The following NFRKB variants were observed in gnomAD, a reference collection of about 807,000 sequenced individuals.
The protein encoded by NFRKB is nuclear factor related to kappa-B-binding protein.
NFRKB carries 62 observed loss-of-function variants against 135.7 expected under a neutral mutation model. The ratio of observed to expected loss-of-function variants is 0.46; its 90% CI spans 0.37 to 0.56. The LOEUF (loss-of-function observed/expected upper bound fraction) is 0.56. Ranked by LOEUF, NFRKB falls within the 20% of genes least tolerant of loss-of-function variation. The pLI is 0.00. For missense variants in NFRKB, 1,545 were observed against 1,662.0 expected (o/e 0.93, Z 1.22); for synonymous variants, 678 against 635.6 (o/e 1.07, Z -1.00).
At chr11:129,873,657 T>A in intron 22 of NFRKB, 88 bp downstream of exon 22, 1 of 1,532,228 alleles carries the variant, frequency 6.5e-7, no homozygotes, top group Non-Finnish European at 8.9e-7. Context: ...GGCTCCCCAG[T>A]CCTTACCCAG....
intron 23 of NFRKB, among the ~76,000 whole-genome samples, chr11:129,871,923 C>T (rs531727717): frequency 2.0e-5 from 3 of 152,120 alleles, no homozygotes; most frequent in East Asian, 1.9e-4. Context: ...CATCTTCTAA[C>T]ACCCTCACAC....
intron 8 of NFRKB, 62 bp downstream of exon 8, chr11:129,884,008 G>A (rs940462257): frequency 6.4e-7 from 1 of 1,559,760 alleles, no homozygotes. Context: ...GTCTTCCTCA[G>A]GACAGCCAAT....
In NFRKB at chr11:129,864,362, A is replaced by T. The variant is rs1011168629; in HGVS notation, c.*363T>A. On this transcript the variant is annotated 3_prime_UTR_variant, in exon 27 of 27. Coordinates refer to ENST00000682444, the MANE Select transcript of NFRKB (RefSeq NM_001143835.2). ...AGAAGACCAGAAGCCAAAAAATACA[A>T]TCCTCATGGAGAACCAGCCTATTCG... 9 of 196,972 alleles carry T rather than the reference A, an allele frequency of 4.6e-5. No individual in the cohort carries two copies. Among genetic ancestry groups the T allele is most frequent in the Admixed American group, 3.3e-4 (6 of 18,276 alleles). 12.2% of individuals were successfully genotyped at this position (196,972 alleles called of 1,614,324 possible). A position where few individuals can be genotyped will look rare whatever the true frequency, so the allele number is the denominator to read the frequency against.
chr11:129,871,312 G>A (rs1276825359), intron 23 of NFRKB, among the ~76,000 whole-genome samples: 1 of 151,992 alleles, frequency 6.6e-6, no homozygotes, highest in Non-Finnish European at 1.5e-5. Context: ...GAGTACAGAG[G>A]CCAATCATAC....
rs1047764885 is a variant in NFRKB at position 129,867,039 on chromosome 11, A to G, written c.3532-1056T>C. On this transcript the variant is annotated intron_variant, in intron 24 of 26. Transcript: ENST00000682444. ...ACTTATGGTTTTGTTCTTCCTCAAA[A>G]TGCCTTTGTTGCTTAAAACATCTCA... Among the ~76,000 whole-genome samples, 3 of 152,180 alleles carry G rather than the reference A, an allele frequency of 2.0e-5. No homozygotes were observed. In the East Asian group the frequency reaches 5.8e-4, roughly 29 times the overall value.
chr11:129,884,908 G>A (rs753447356), intron 6 of NFRKB, 62 bp from the exon 7 acceptor site: 1 of 1,612,014 alleles, frequency 6.2e-7, no homozygotes, highest in Admixed American at 1.7e-5. Flanking sequence ...GGGGAGATTG[G>A]GTAAGTGGCC....
rs1229983546 is a variant in NFRKB at position 129,878,326 on chromosome 11, T to C, written c.1494A>G (p.Thr498=). The change falls in exon 15 of 27, where the codon ACA becomes ACG. Residue 498 remains threonine, a synonymous_variant. Transcript: ENST00000682444. Reference sequence around the variant, plus strand: ...GTACTCACACCCGAGGGACAGGTGTTGTGGCATCTGAGCTGTCTTCATTTT... The same window carrying C: ...GTACTCACACCCGAGGGACAGGTGTCGTGGCATCTGAGCTGTCTTCATTTT... The part of the protein sequence containing the change: ...KQENEDSSDA[T]TPVPRVRTDY... 1 of 1,614,104 alleles carries C rather than the reference T, an allele frequency of 6.2e-7. No individual in the cohort carries two copies. Among genetic ancestry groups the C allele is most frequent in the Non-Finnish European group, 8.5e-7 (1 of 1,180,036 alleles).
At position 129,870,856 on chromosome 11, in the gene NFRKB, C is replaced by T. The variant is rs182323045; in HGVS notation, c.2764-595G>A. Among the ~76,000 whole-genome samples the T allele has an allele frequency of 4.8e-3, 724 of 152,276 alleles. 2 individuals carry two copies. Among genetic ancestry groups the T allele is most frequent in the Admixed American group, 7.3e-3 (111 of 15,294 alleles). On this transcript the variant is annotated intron_variant, in intron 23 of 26. Coordinates refer to ENST00000682444, the MANE Select transcript of NFRKB (RefSeq NM_001143835.2). Reference sequence around the variant, plus strand: ...CTACTGGACTACGGCCATCAGAATGCAAACATGCTATAATACTTCCCACCC... The same window carrying T: ...CTACTGGACTACGGCCATCAGAATGTAAACATGCTATAATACTTCCCACCC...
rs113188074 is a variant in NFRKB, at chr11:129,881,691, G to A, written c.1318+36C>T. Reference sequence around the variant, plus strand: ...TCTAATAATTAATTAGACAAAAGGGGGAAAAATACTGACCCTACAAAAAAG... The same window carrying A: ...TCTAATAATTAATTAGACAAAAGGGAGAAAAATACTGACCCTACAAAAAAG... On this transcript the variant is annotated intron_variant, in intron 12 of 26. Transcript: ENST00000682444. The A allele has an allele frequency of 5.3e-3, 8,531 of 1,609,404 alleles. 397 individuals carry two copies. The African/African-American group carries it at 0.1, about 19-fold the overall frequency.
rs371297388 is a variant in NFRKB at position 129,881,784 on chromosome 11, G to A, written c.1261C>T (p.Pro421Ser). Residue 421 changes from proline (P) to serine (S), a missense_variant, in exon 12 of 27, where the codon CCC (proline) becomes TCC (serine). This residue lies in a region of NFRKB where 678 missense variants were observed against 646.7 expected (regional missense o/e 1.05). Transcript: ENST00000682444. The stretch of plus-strand genomic sequence containing the variant: ...GGTAGTACCAACTCAGCCCAGTTGG[G>A]GGCCGCAGAGAACCAGCTGTTGAGG... ...SSLNSWFSAA[P>S]NWAELVLPAL... The A allele has an allele frequency of 6.2e-7, 1 of 1,613,968 alleles. No individual in the cohort carries two copies. The highest frequency in any genetic ancestry group is 1.1e-5 in the South Asian group (1 of 91,010).
Position 129,874,525 on chromosome 11 carries a change from T to G in NFRKB, c.2034A>C (p.Gln678His). 1 of 1,614,154 alleles carries G rather than the reference T, an allele frequency of 6.2e-7. No homozygotes were observed. The highest frequency in any genetic ancestry group is 8.5e-7 in the Non-Finnish European group (1 of 1,180,012). ...AAAKARKALQQKPKPPSKVKS... is the reference protein window; with the variant it reads ...AAAKARKALQHKPKPPSKVKS... ...CCACCTTGGATGGGGGCTTGGGTTTTTGCTGAAGAGCTTTTCTGGCTTTAG... is the reference window on the plus strand; with the variant it reads ...CCACCTTGGATGGGGGCTTGGGTTTGTGCTGAAGAGCTTTTCTGGCTTTAG... Residue 678 changes from glutamine (Q) to histidine (H), a missense_variant, in exon 20 of 27, where the codon CAA becomes CAC. This residue lies in a region of NFRKB where 753 missense variants were observed against 804.3 expected (regional missense o/e 0.94). Coordinates refer to ENST00000682444, the MANE Select transcript of NFRKB (RefSeq NM_001143835.2). The surrounding 1 kb of genome is among the most constrained non-coding windows in gnomAD (Gnocchi z 4.5).
intron 15 of NFRKB, 145 bp downstream of exon 15, chr11:129,878,164 G>A (rs534379055): frequency 4.0e-5 from 32 of 791,156 alleles, no homozygotes; most frequent in East Asian, 1.3e-4. Flanking sequence ...CAGGGGGTGC[G>A]GCCAAGTCAG....
In NFRKB at chr11:129,866,320, T is replaced by C. The variant is rs991891454; in HGVS notation, c.3532-337A>G. Reference sequence around the variant, plus strand: ...AGCACAGTCCAAGATTCTGAGTTCCTTGGAGGACAGAGGCTTATCTCTGTA... The same window carrying C: ...AGCACAGTCCAAGATTCTGAGTTCCCTGGAGGACAGAGGCTTATCTCTGTA... On this transcript the variant is annotated intron_variant, in intron 24 of 26. Transcript: ENST00000682444. Among the ~76,000 whole-genome samples the C allele has an allele frequency of 2.6e-5, 4 of 152,118 alleles. No homozygotes were observed. In the South Asian group the frequency reaches 8.3e-4, roughly 32 times the overall value.
In NFRKB at chr11:129,874,519, G is replaced by C; in HGVS notation, c.2040C>G (p.Pro680=). 6.2e-7 allele frequency: 1 copy of C among 1,614,116 alleles called. No individual in the cohort carries two copies. Among genetic ancestry groups the C allele is most frequent in the South Asian group, 1.1e-5 (1 of 91,076 alleles). The change falls in exon 20 of 27, where the codon CCC becomes CCG. Residue 680 remains proline (P), a synonymous_variant. Coordinates refer to ENST00000682444, the MANE Select transcript of NFRKB (RefSeq NM_001143835.2). This position sits in a 1 kb window ranked among gnomAD's most constrained non-coding sequence, Gnocchi z 4.5. ...AKARKALQQK[P]KPPSKVKSSS... The stretch of plus-strand genomic sequence containing the variant: ...CACTTACCACCTTGGATGGGGGCTT[G>C]GGTTTTTGCTGAAGAGCTTTTCTGG...
Position 129,864,511 on chromosome 11 carries a change from A to G in NFRKB, c.*214T>C. The G allele has an allele frequency of 3.5e-6, 2 of 572,320 alleles. No individual in the cohort carries two copies. Among genetic ancestry groups the G allele is most frequent in the Non-Finnish European group, 6.2e-6 (2 of 324,898 alleles). The allele number at this position is 572,320 out of a possible 1,614,324, so 35.5% of individuals were successfully genotyped here. A position where few individuals can be genotyped will look rare whatever the true frequency, so the allele number is the denominator to read the frequency against. On this transcript the variant is annotated 3_prime_UTR_variant, in exon 27 of 27. Coordinates refer to ENST00000682444, the MANE Select transcript of NFRKB (RefSeq NM_001143835.2). ...ATATTCTCCTAGATTGGTAGAGAGC[A>G]GACCTTGGAACCCTGGAGTGAACCT...
intron 2 of NFRKB, among the ~76,000 whole-genome samples, chr11:129,893,644 T>C (rs1949659849): frequency 6.6e-6 from 1 of 152,092 alleles, no homozygotes; most frequent in African/African-American, 2.4e-5. Flanking sequence ...CAACATACAC[T>C]AGTAAAATGC....
At position 129,886,460 on chromosome 11, in the gene NFRKB, G is replaced by T. The variant is rs546788930; in HGVS notation, c.338-16C>A. ...AAGTGTCCGTCTTAAAAAAATAAAG[G>T]TATATATATTTACATCAATCAACAA... On this transcript the variant is annotated splice_polypyrimidine_tract_variant and intron_variant, in intron 4 of 26. Transcript: ENST00000682444. 6.8e-6 allele frequency: 11 copies of T among 1,610,514 alleles called. No homozygotes were observed. The East Asian group carries it at 2.2e-4, about 33-fold the overall frequency.
At position 129,881,774 on chromosome 11, in the gene NFRKB, G is replaced by T. The variant is rs754028680; in HGVS notation, c.1271C>A (p.Ala424Asp). 1.2e-6 allele frequency: 2 copies of T among 1,614,090 alleles called. No individual in the cohort carries two copies. The highest frequency in any genetic ancestry group is 1.1e-5 in the South Asian group (1 of 91,036). ...NSWFSAAPNW[A>D]ELVLPALQYL... The stretch of plus-strand genomic sequence containing the variant: ...CTGCAGGGCTGGTAGTACCAACTCA[G>T]CCCAGTTGGGGGCCGCAGAGAACCA... The change falls in exon 12 of 27, where the codon GCT becomes GAT. Residue 424 changes from alanine (A) to aspartate (D), a missense_variant. Coordinates refer to ENST00000682444, the MANE Select transcript of NFRKB (RefSeq NM_001143835.2).
chr11:129,882,006 C>T, intron 11 of NFRKB, 80 bp downstream of exon 11: 1 of 1,459,142 alleles, frequency 6.9e-7, no homozygotes, highest in Middle Eastern at 1.8e-4. Context: ...CTCAGAGTTC[C>T]ACTTCTCAAG....
Sources: allele counts gnomAD v4.1 joint callset (sites outside exome capture counted in the v4.1 genomes callset), GRCh38; gene constraint gnomAD v4.1.1; regional missense constraint gnomAD v4.1.1; non-coding constraint Gnocchi (gnomAD v3.1); transcripts MANE v1.5; gene names NCBI Gene and HGNC (gene_info 2026-07-23, HGNC 2026-07-21).